Variants in KIF5B observed in about 807,000 individuals in gnomAD.
KIF5B encodes the protein kinesin-1 heavy chain.
Under a neutral mutation model 132.8 loss-of-function variants are expected in KIF5B, and 49 were observed. That is an observed-to-expected ratio of 0.37 (90% CI 0.29 to 0.47). The LOEUF (loss-of-function observed/expected upper bound fraction) is 0.47. KIF5B is among the 20% of genes least tolerant of loss of function. The pLI, the probability that KIF5B is intolerant of heterozygous loss-of-function variation, is 1.00. For synonymous variants in KIF5B, 355 were observed against 369.4 expected (o/e 0.96, Z 0.45); for missense variants, 780 against 1,144.0 (o/e 0.68, Z 4.59).
chr10:32,048,434 G>A, intron 2 of KIF5B, 30 bp downstream of exon 2: 1 of 1,448,092 alleles, frequency 6.9e-7, no homozygotes, highest in Admixed American at 1.9e-5. Context: ...ACTTATTGCT[G>A]AGACAACTCA....
chr10:32,022,439 T>G (rs1034839312), intron 16 of KIF5B, among the ~76,000 whole-genome samples, 182 bp from the exon 17 acceptor site: 1 of 152,232 alleles, frequency 6.6e-6, no homozygotes, highest in Admixed American at 6.5e-5. Context: ...TGATCATAAC[T>G]TGCAAACTAA....
Position 32,009,602 on chromosome 10 carries a change from G to A in KIF5B, c.*1935C>T, listed in dbSNP as rs192184985. 78 of 152,178 alleles carry A rather than the reference G, an allele frequency of 5.1e-4. No individual in the cohort carries two copies. Among genetic ancestry groups the A allele is most frequent in the African/African-American group, 1.8e-3 (76 of 41,540 alleles). 9.4% of individuals were successfully genotyped at this position (152,178 alleles called of 1,614,324 possible). A position where few individuals can be genotyped will look rare whatever the true frequency, so the allele number is the denominator to read the frequency against. On this transcript the variant is annotated 3_prime_UTR_variant, in exon 26 of 26. Coordinates refer to ENST00000302418, the MANE Select transcript of KIF5B (RefSeq NM_004521.3). ...ATTAAAATTCGTTGTTCATTACACA[G>A]CACCAATACCCATGATACATCTTAC...
chr10:32,034,376 T>C (rs1472875777), intron 11 of KIF5B, among the ~76,000 whole-genome samples: 1 of 152,180 alleles, frequency 6.6e-6, no homozygotes, highest in Non-Finnish European at 1.5e-5. Context: ...CCTCCCAAAG[T>C]GCTAGGATTA....
chr10:32,020,315 C>T (rs1328512630), intron 19 of KIF5B, among the ~76,000 whole-genome samples: 1 of 151,882 alleles, frequency 6.6e-6, no homozygotes, highest in Non-Finnish European at 1.5e-5. Context: ...CTTCCATAAA[C>T]TCTATGTATG....
Position 32,019,919 on chromosome 10 carries a change from C to G in KIF5B, c.2245G>C (p.Val749Leu). The part of the protein sequence containing the change: ...KMMLEQERLR[V>L]EHEKLKATDQ... The stretch of plus-strand genomic sequence containing the variant: ...GTGGCTTTCAACTTCTCATGTTCTA[C>G]TCTTAGACGTTCCTGCTCTAACATC... The change falls in exon 20 of 26, where the codon GTA becomes CTA. Residue 749 changes from valine to leucine, a missense_variant. Around this residue, in one of 9 missense-constraint regions of KIF5B, gnomAD observed 471 missense variants for 569.9 expected, o/e 0.83. Coordinates refer to ENST00000302418, the MANE Select transcript of KIF5B (RefSeq NM_004521.3). The G allele has an allele frequency of 6.2e-7, 1 of 1,612,452 alleles. No individual in the cohort carries two copies. Among genetic ancestry groups the G allele is most frequent in the African/African-American group, 1.3e-5 (1 of 74,958 alleles).
chr10:32,047,660 A>G (rs1841630972), intron 2 of KIF5B, among the ~76,000 whole-genome samples: 1 of 152,006 alleles, frequency 6.6e-6, no homozygotes, highest in Admixed American at 6.6e-5. Flanking sequence ...CTATAACTCC[A>G]CTTTATCTCC....
intron 10 of KIF5B, 80 bp from the exon 11 acceptor site, chr10:32,034,918 T>C (rs1225501614): frequency 5.6e-6 from 6 of 1,071,316 alleles, no homozygotes; most frequent in South Asian, 2.6e-5. Context: ...TATGTATATA[T>C]GGCTAAGAAA....
chr10:32,037,312 T>A lies in KIF5B; in HGVS notation c.653A>T (p.Gln218Leu). Residue 218 changes from glutamine (Q) to leucine (L), a missense_variant, in exon 8 of 26, where the codon CAA becomes CTA. Physicochemically the swap from Gln to Leu is moderately radical, Grantham distance 113. Around this residue, in one of 9 missense-constraint regions of KIF5B, gnomAD observed 76 missense variants for 146.4 expected, o/e 0.52. Coordinates refer to ENST00000302418, the MANE Select transcript of KIF5B (RefSeq NM_004521.3). ...FLINVKQENTQTEQKLSGKLY... is the reference protein window; with the variant it reads ...FLINVKQENTLTEQKLSGKLY... ...TTTTCCACTCAGCTTTTGTTCCGTT[T>A]GTGTGTTCTCTTGTTTGACATTAAT... 6.2e-7 allele frequency: 1 copy of A among 1,613,912 alleles called. No individual in the cohort carries two copies. The highest frequency in any genetic ancestry group is 8.5e-7 in the Non-Finnish European group (1 of 1,179,794).
intron 15 of KIF5B, among the ~76,000 whole-genome samples, chr10:32,023,617 T>G (rs1471193379): frequency 6.6e-6 from 1 of 152,190 alleles, no homozygotes; most frequent in Admixed American, 6.5e-5. Flanking sequence ...CTTGACACTA[T>G]GCAACTTACT....
chr10:32,046,791 T>G (rs1424920474), intron 2 of KIF5B, among the ~76,000 whole-genome samples: 2 of 152,180 alleles, frequency 1.3e-5, no homozygotes, highest in Non-Finnish European at 2.9e-5. Context: ...ACTGCATTGC[T>G]TCCATAATCT....
intron 12 of KIF5B, among the ~76,000 whole-genome samples, chr10:32,033,224 T>G (rs2132599953): frequency 6.6e-6 from 1 of 152,286 alleles, no homozygotes; most frequent in East Asian, 1.9e-4. Flanking sequence ...TTCTAACAAT[T>G]GGTATCATTG....
At chr10:32,050,040 A>G (rs535384554) in intron 1 of KIF5B, among the ~76,000 whole-genome samples, 5 of 152,264 alleles carry the variant, frequency 3.3e-5, no homozygotes, top group African/African-American at 4.8e-5. Flanking sequence ...AAGGGGTTCT[A>G]GGTATTTGCA....
chr10:32,037,864 C>A (rs1022377218), intron 6 of KIF5B, among the ~76,000 whole-genome samples: 1 of 151,964 alleles, frequency 6.6e-6, no homozygotes, highest in Non-Finnish European at 1.5e-5. Context: ...GTAATCCCAG[C>A]ACTTTGGGAG....
At position 32,038,758 on chromosome 10, in the gene KIF5B, T is replaced by C; in HGVS notation, c.442+20A>G. The C allele has an allele frequency of 7.8e-7, 1 of 1,285,238 alleles. No individual in the cohort carries two copies. The highest frequency in any genetic ancestry group is 1.1e-6 in the Non-Finnish European group (1 of 895,766). 79.6% of individuals were successfully genotyped at this position (1,285,238 alleles called of 1,614,324 possible). ...ATTAACAGATGTTATTTAAAACTGATTAGCAAGAATTTAACTTACCATCTA... is the reference window on the plus strand; with the variant it reads ...ATTAACAGATGTTATTTAAAACTGACTAGCAAGAATTTAACTTACCATCTA... On this transcript the variant is annotated intron_variant, in intron 5 of 25. Transcript: ENST00000302418.
In KIF5B at chr10:32,030,811, A is replaced by T. The variant is rs115609415; in HGVS notation, c.1581+262T>A. Among the ~76,000 whole-genome samples the T allele has an allele frequency of 1.6e-3, 242 of 152,288 alleles. 2 individuals carry two copies. Among genetic ancestry groups the T allele is most frequent in the African/African-American group, 5.5e-3 (230 of 41,572 alleles). On this transcript the variant is annotated intron_variant, in intron 14 of 25. Coordinates refer to ENST00000302418, the MANE Select transcript of KIF5B (RefSeq NM_004521.3). ...GATTCTACATGCTATATACTAAATT[A>T]AAAAAATTAAAATTAGGAGTAGCAA...
At chr10:32,018,685 A>G in intron 20 of KIF5B, 123 bp from the exon 21 acceptor site, 1 of 743,454 alleles carries the variant, frequency 1.3e-6, no homozygotes, top group Non-Finnish European at 2.1e-6. Flanking sequence ...TAAATACAAG[A>G]TGCCTATTTT....
Position 32,015,514 on chromosome 10 carries a change from G to C in KIF5B, c.*15C>G, listed in dbSNP as rs1331618966. 6.3e-7 allele frequency: 1 copy of C among 1,576,970 alleles called. No homozygotes were observed. Among genetic ancestry groups the C allele is most frequent in the Non-Finnish European group, 8.6e-7 (1 of 1,163,006 alleles). On this transcript the variant is annotated 3_prime_UTR_variant, in exon 25 of 26. Transcript: ENST00000302418. ...GCCAGATATAAATAACAAACCTGTG[G>C]GTATGTATAAACGATTACACTTGTT...
At chr10:32,028,330 G>T in intron 15 of KIF5B, 98 bp downstream of exon 15, 1 of 940,390 alleles carries the variant, frequency 1.1e-6, no homozygotes, top group Non-Finnish European at 1.6e-6. Flanking sequence ...GTGAGGATGA[G>T]ATCATGAATA....
intron 24 of KIF5B, among the ~76,000 whole-genome samples, chr10:32,016,171 A>C (rs533686100): frequency 1.1e-4 from 16 of 151,790 alleles, no homozygotes; most frequent in Admixed American, 5.3e-4. Flanking sequence ...AACAAACAAA[A>C]AAAATGGCTG....
Sources: gnomAD v4.1 joint callset for allele counts (sites outside exome capture counted in the v4.1 genomes callset) on GRCh38, gnomAD v4.1.1 for gene constraint, gnomAD v4.1.1 regional missense constraint, MANE v1.5 for transcripts, NCBI Gene and HGNC (gene_info 2026-07-23, HGNC 2026-07-21) for gene names.